CACNA1E: variants seen among roughly 807,000 people sequenced by gnomAD.
CACNA1E encodes the protein voltage-dependent R-type calcium channel subunit alpha-1E.
A neutral mutation model predicts 259.2 loss-of-function variants in CACNA1E; 40 were observed. That is an observed-to-expected ratio of 0.15 (90% CI 0.12 to 0.20). CACNA1E has a LOEUF of 0.20. CACNA1E is among the 10% of genes least tolerant of loss of function. The pLI, the probability that CACNA1E is intolerant of heterozygous loss-of-function variation, is 1.00. For synonymous variants in CACNA1E, 1,104 were observed against 1,138.5 expected, an observed-to-expected ratio of 0.97 and a Z score of 0.61; for missense variants, 1,874 against 3,040.1, an observed-to-expected ratio of 0.62 and a Z score of 9.02.
chr1:181,396,395 A>G (rs1656684059), intron 1 of CACNA1E, among the ~76,000 whole-genome samples: 1 of 152,240 alleles, frequency 6.6e-6, no homozygotes, highest in African/African-American at 2.4e-5. Flanking sequence ...GACAAGAACA[A>G]TTGGTCATTG....
At chr1:181,518,853 G>A (rs1185874212) in intron 3 of CACNA1E, among the ~76,000 whole-genome samples, 1 of 152,220 alleles carries the variant, frequency 6.6e-6, no homozygotes, top group Admixed American at 6.5e-5. Context: ...CATATGGACA[G>A]AACTGAGTGG....
At chr1:181,674,107 C>T (rs532694077) in intron 7 of CACNA1E, among the ~76,000 whole-genome samples, 2 of 151,544 alleles carry the variant, frequency 1.3e-5, no homozygotes, top group African/African-American at 2.4e-5. Context: ...GGGCTGGGCG[C>T]GGTGGCTCAT....
rs772170723 is a variant in CACNA1E at position 181,733,750 on chromosome 1, A to G, written c.3262A>G (p.Ile1088Val). The change falls in exon 21 of 48, where the codon ATT (isoleucine) becomes GTT (valine). Residue 1088 changes from isoleucine to valine, a missense_variant and splice_region_variant. By Grantham distance (29) the Ile-to-Val change is conservative. Coordinates refer to ENST00000367573, the MANE Select transcript of CACNA1E (RefSeq NM_001205293.3). ...CTTGGTGGACTCAACCGTGGTGCAC[A>G]GTGAGAGCACAGTCCCTGTTCCCCT... is the stretch of plus-strand genomic sequence containing the variant. ...DPLVDSTVVH[I>V]SNKTDGEASP... 3.3e-6 allele frequency: 5 copies of G among 1,538,272 alleles called. No individual in the cohort carries two copies. The highest frequency in any genetic ancestry group is 3.9e-5 in the Admixed American group (2 of 50,998).
intron 3 of CACNA1E, among the ~76,000 whole-genome samples, chr1:181,525,469 T>G (rs547323677): frequency 6.6e-6 from 1 of 152,348 alleles, no homozygotes; most frequent in African/African-American, 2.4e-5. Flanking sequence ...TTGTCATGCT[T>G]ATTTTTGTCC....
intron 1 of CACNA1E, among the ~76,000 whole-genome samples, chr1:181,344,554 C>A (rs1245083456): frequency 6.6e-6 from 1 of 152,162 alleles, no homozygotes; most frequent in Non-Finnish European, 1.5e-5. Context: ...CCCTCAGAGA[C>A]AAAAATGACT....
At chr1:181,787,433 G>A (rs1276513697) in intron 43 of CACNA1E, among the ~76,000 whole-genome samples, 1 of 152,196 alleles carries the variant, frequency 6.6e-6, no homozygotes, top group South Asian at 2.1e-4. Context: ...AGAAATGGGG[G>A]ATACCACCCC....
At chr1:181,426,025 A>G (rs1223694230) in intron 2 of CACNA1E, among the ~76,000 whole-genome samples, 1 of 152,096 alleles carries the variant, frequency 6.6e-6, no homozygotes, top group Non-Finnish European at 1.5e-5. Flanking sequence ...TATAAAGAAA[A>G]CAGAGGAATT....
intron 43 of CACNA1E, among the ~76,000 whole-genome samples, chr1:181,789,721 TG>T (rs1245092695): frequency 1.3e-5 from 2 of 152,262 alleles, no homozygotes; most frequent in African/African-American, 4.8e-5. Flanking sequence ...TAAGAGTATC[TG>T]GAAGTACTAG....
intron 1 of CACNA1E, among the ~76,000 whole-genome samples, chr1:181,396,705 A>T (rs1656703752): frequency 6.6e-6 from 1 of 152,214 alleles, no homozygotes; most frequent in Admixed American, 6.5e-5. Flanking sequence ...CCTGAGTAGA[A>T]CAATGTGGAA....
At chr1:181,767,691 T>C (rs1406281805) in intron 35 of CACNA1E, among the ~76,000 whole-genome samples, 1 of 152,234 alleles carries the variant, frequency 6.6e-6, no homozygotes, top group Non-Finnish European at 1.5e-5. Flanking sequence ...TCTCTAAAAA[T>C]ACAATAGAAT....
rs2102476996 is a variant in CACNA1E, at chr1:181,719,930, T to G, written c.1751+67T>G. The G allele has an allele frequency of 7.4e-6, 7 of 949,934 alleles. No individual in the cohort carries two copies. In the East Asian group the frequency reaches 1.9e-4, roughly 25 times the overall value. 58.8% of individuals were successfully genotyped at this position (949,934 alleles called of 1,614,324 possible). A position where few individuals can be genotyped will look rare whatever the true frequency, so the allele number is the denominator to read the frequency against. On this transcript the variant is annotated intron_variant, in intron 13 of 47. Transcript: ENST00000367573. ...GTAGAACCTTTTTTCTGCCTTATAT[T>G]TTCTTCCATCTTCTCTTTCCCCCTT...
Position 181,769,554 on chromosome 1 carries a change from G to T in CACNA1E, c.4882-1739G>T, listed in dbSNP as rs138376127. ...GCCCCACAAAGTGCTGGGATTACAGGTGTGAGCCACCATGCCCGGCTTGAC... is the reference window on the plus strand; with the variant it reads ...GCCCCACAAAGTGCTGGGATTACAGTTGTGAGCCACCATGCCCGGCTTGAC... On this transcript the variant is annotated intron_variant, in intron 35 of 47. Transcript: ENST00000367573. Among the ~76,000 whole-genome samples the T allele has an allele frequency of 7.2e-4, 109 of 151,976 alleles. 1 individual carries two copies. The East Asian group carries it at 0.02, about 29-fold the overall frequency.
intron 32 of CACNA1E, among the ~76,000 whole-genome samples, chr1:181,762,242 C>T (rs192571271): frequency 5.3e-4 from 80 of 152,188 alleles, no homozygotes; most frequent in Admixed American, 1.6e-3. Flanking sequence ...AATCATGCCT[C>T]CATAGAGGTT....
intron 6 of CACNA1E, among the ~76,000 whole-genome samples, chr1:181,645,042 C>T (rs1658136819): frequency 1.3e-5 from 2 of 152,140 alleles, no homozygotes; most frequent in African/African-American, 4.8e-5. Flanking sequence ...GCCAGAATGC[C>T]ACAGAGCCTG....
chr1:181,385,722 C>T (rs1431673226), intron 1 of CACNA1E, among the ~76,000 whole-genome samples: 1 of 151,882 alleles, frequency 6.6e-6, no homozygotes, highest in East Asian at 1.9e-4. Context: ...TATTTCCTTC[C>T]CTACTCCACT....
chr1:181,663,122 G>T (rs773482440), intron 7 of CACNA1E, among the ~76,000 whole-genome samples: 2 of 152,114 alleles, frequency 1.3e-5, no homozygotes, highest in Admixed American at 6.5e-5. Flanking sequence ...TATAGAATCT[G>T]TCACTCATAG....
chr1:181,487,369 G>A (rs1663922924), intron 1 of CACNA1E, among the ~76,000 whole-genome samples: 1 of 152,158 alleles, frequency 6.6e-6, no homozygotes, highest in African/African-American at 2.4e-5. Flanking sequence ...GTTATTAATA[G>A]GGGAGGTCTA....
At chr1:181,393,766 C>G (rs1557967468) in intron 1 of CACNA1E, among the ~76,000 whole-genome samples, 1 of 152,200 alleles carries the variant, frequency 6.6e-6, no homozygotes, top group African/African-American at 2.4e-5. Context: ...CCAAGAAGGA[C>G]TGGTGATCTT....
intron 3 of CACNA1E, among the ~76,000 whole-genome samples, chr1:181,558,617 G>A (rs915110895): frequency 3.3e-5 from 5 of 152,182 alleles, no homozygotes; most frequent in Non-Finnish European, 4.4e-5. Context: ...ACCAAAATTA[G>A]TTCAGGTGAC....
Sources: allele counts gnomAD v4.1 joint callset (sites outside exome capture counted in the v4.1 genomes callset), GRCh38; gene constraint gnomAD v4.1.1; transcripts MANE v1.5; gene names NCBI Gene and HGNC (gene_info 2026-07-23, HGNC 2026-07-21).